WDPCP: variants seen among roughly 807,000 people sequenced by gnomAD.
WDPCP encodes WD repeat-containing and planar cell polarity effector protein fritz homolog.
In WDPCP, 71 loss-of-function variants were observed where a neutral mutation model predicts 93.1. The ratio of observed to expected loss-of-function variants is 0.76; its 90% CI spans 0.63 to 0.93. The LOEUF (loss-of-function observed/expected upper bound fraction) is 0.93, where lower values mean the gene tolerates loss of function less well. WDPCP is among the 40% of genes least tolerant of loss of function. WDPCP has a pLI of 0.00. For missense variants in WDPCP, 844 were observed against 887.4 expected, an observed-to-expected ratio of 0.95 and a Z score of 0.62; for synonymous variants, 315 against 315.0, an observed-to-expected ratio of 1.00 and a Z score of 0.00.
chr2:63,252,017 C>T (rs1274816624), intron 14 of WDPCP, among the ~76,000 whole-genome samples: 4 of 152,042 alleles, frequency 2.6e-5, no homozygotes, highest in Non-Finnish European at 5.9e-5. Context: ...GCCTGATGAA[C>T]ATAAATGCAA....
At chr2:63,576,619 T>G (rs1708133673) in intron 1 of WDPCP, among the ~76,000 whole-genome samples, 1 of 152,192 alleles carries the variant, frequency 6.6e-6, no homozygotes, top group African/African-American at 2.4e-5. Flanking sequence ...AGATCAATAG[T>G]CATGAGAGAA....
rs1460333314 is a variant in WDPCP at position 63,549,550 on chromosome 2, CA to C, written c.75+38646del. On this transcript the variant is annotated intron_variant, in intron 1 of 17. Transcript: ENST00000272321. ...TTGGGAGGCCGAGGCGGGTGGATCA[CA>C]AGGTCAGGAGTTCAAGACCAGCCTG... Among the ~76,000 whole-genome samples the C allele has an allele frequency of 3.9e-5, 6 of 152,156 alleles. No homozygotes were observed. The East Asian group carries it at 9.7e-4, about 25-fold the overall frequency.
intron 2 of WDPCP, among the ~76,000 whole-genome samples, chr2:63,716,646 G>A (rs1044150101): frequency 6.6e-6 from 1 of 152,168 alleles, no homozygotes; most frequent in Non-Finnish European, 1.5e-5. Context: ...AGAGGTTGGG[G>A]TGTGCAGTGT....
intron 13 of WDPCP, among the ~76,000 whole-genome samples, chr2:63,264,561 T>C (rs1681942544): frequency 6.6e-6 from 1 of 152,160 alleles, no homozygotes; most frequent in African/African-American, 2.4e-5. Flanking sequence ...GCATTAAACA[T>C]TGGAGCCCAT....
At chr2:63,609,627 T>C (rs1048164681) in intron 3 of WDPCP, among the ~76,000 whole-genome samples, 1 of 152,186 alleles carries the variant, frequency 6.6e-6, no homozygotes, top group Non-Finnish European at 1.5e-5. Context: ...CAGTGACTCA[T>C]GCGTGTAATC....
intron 12 of WDPCP, among the ~76,000 whole-genome samples, chr2:63,346,500 G>A (rs184338732): frequency 6.6e-6 from 1 of 152,288 alleles, no homozygotes; most frequent in Admixed American, 6.5e-5. Context: ...AAATCCATTA[G>A]TGCATCTGCA....
intron 1 of WDPCP, among the ~76,000 whole-genome samples, chr2:63,529,333 A>G (rs1703627635): frequency 6.6e-6 from 1 of 152,186 alleles, no homozygotes; most frequent in African/African-American, 2.4e-5. Context: ...CCCATTCAGT[A>G]TGATATTGGC....
At chr2:63,838,830 C>T in the WDPCP span, among the ~76,000 whole-genome samples, 1 of 152,190 alleles carries the variant, frequency 6.6e-6, no homozygotes, top group Non-Finnish European at 1.5e-5. Flanking sequence ...TCTTTCTTTC[C>T]TATCTCCACA....
At chr2:63,231,052 A>G (rs368913587) in intron 14 of WDPCP, among the ~76,000 whole-genome samples, 1 of 152,190 alleles carries the variant, frequency 6.6e-6, no homozygotes, top group Non-Finnish European at 1.5e-5. Flanking sequence ...ATCCACCACG[A>G]TCAAGTGGGC....
intron 10 of WDPCP, among the ~76,000 whole-genome samples, chr2:63,392,648 G>A (rs1181994022): frequency 6.6e-6 from 1 of 152,064 alleles, no homozygotes; most frequent in Non-Finnish European, 1.5e-5. Context: ...CTGACAAAGG[G>A]CTAATATCAA....
At chr2:63,439,456 T>C (rs1878505) in intron 7 of WDPCP, among the ~76,000 whole-genome samples, 39,961 of 151,970 alleles carry the variant, frequency 0.26, 6,290 homozygotes, top group East Asian at 0.7. Flanking sequence ...GTGCCAGTTA[T>C]AGAGAAATAA....
chr2:63,840,497 A>G, the WDPCP span, among the ~76,000 whole-genome samples: 3 of 152,146 alleles, frequency 2.0e-5, no homozygotes, highest in African/African-American at 7.2e-5. Flanking sequence ...CACTTTCTTC[A>G]ATGCCTAAAC....
intron 3 of WDPCP, chr2:63,622,350 C>A (rs1375770270): frequency 1.9e-6 from 3 of 1,600,068 alleles, no homozygotes; most frequent in Non-Finnish European, 1.7e-6. Context: ...ATATTCAAAA[C>A]CCTTCATAGT....
In WDPCP at chr2:63,433,779, A is replaced by G. The variant is rs1366001942; in HGVS notation, c.791T>C (p.Leu264Pro). 3.1e-6 allele frequency: 5 copies of G among 1,613,608 alleles called. No homozygotes were observed. The highest frequency in any genetic ancestry group is 4.2e-6 in the Non-Finnish European group (5 of 1,179,806). The change falls in exon 9 of 18, where the codon CTA becomes CCA. Residue 264 changes from leucine (L) to proline (P), a missense_variant. Leu to Pro is a moderately conservative substitution (Grantham distance 98). Coordinates refer to ENST00000272321, the MANE Select transcript of WDPCP (RefSeq NM_015910.7). ...TCCTTGAGCATAACCCAGGAGGAGTAGATTGGCTCTGTCCTTCTCAGAAGA... is the reference window on the plus strand; with the variant it reads ...TCCTTGAGCATAACCCAGGAGGAGTGGATTGGCTCTGTCCTTCTCAGAAGA... Reference protein sequence around the residue: ...PISSEKDRANLLLLGYAQGRL... With the variant: ...PISSEKDRANPLLLGYAQGRL...
chr2:63,751,334 GTTCTA>G (rs973043187), intron 2 of WDPCP, among the ~76,000 whole-genome samples: 7 of 151,458 alleles, frequency 4.6e-5, no homozygotes, highest in Non-Finnish European at 8.8e-5. Context: ...GGTGATTTAT[GTTCTA>G]TTCTTTTTTT....
intron 2 of WDPCP, among the ~76,000 whole-genome samples, chr2:63,715,775 C>A (rs1163517093): frequency 6.6e-6 from 1 of 152,314 alleles, no homozygotes; most frequent in African/African-American, 2.4e-5. Context: ...GAATTCTCTA[C>A]TTCTCAGCAT....
intron 1 of WDPCP, among the ~76,000 whole-genome samples, chr2:63,815,114 A>T (rs577534627): frequency 2.6e-5 from 4 of 152,174 alleles, no homozygotes; most frequent in Non-Finnish European, 4.4e-5. Flanking sequence ...AAAAACTCCA[A>T]ACCATTTACA....
At chr2:63,382,345 G>T (rs1479606557) in intron 10 of WDPCP, among the ~76,000 whole-genome samples, 1 of 151,952 alleles carries the variant, frequency 6.6e-6, no homozygotes, top group Admixed American at 6.6e-5. Context: ...ACAAAGATTG[G>T]GGGGTGGCAT....
At chr2:63,225,473 A>T (rs1176162025) in intron 14 of WDPCP, among the ~76,000 whole-genome samples, 1 of 151,888 alleles carries the variant, frequency 6.6e-6, no homozygotes, top group African/African-American at 2.4e-5. Context: ...CCTAAGAGGT[A>T]TCTACTAAAG....
Sources: allele counts gnomAD v4.1 joint callset (sites outside exome capture counted in the v4.1 genomes callset), GRCh38; gene constraint gnomAD v4.1.1; transcripts MANE v1.5; gene names NCBI Gene and HGNC (gene_info 2026-07-23, HGNC 2026-07-21).